The following CFAP61 variants were observed in gnomAD, a reference collection of about 807,000 sequenced individuals.
CFAP61 encodes the protein cilia- and flagella-associated protein 61.
CFAP61 carries 107 observed loss-of-function variants against 135.6 expected under a neutral mutation model. That is an observed-to-expected ratio of 0.79 (90% confidence interval 0.67 to 0.93). The LOEUF (loss-of-function observed/expected upper bound fraction) is 0.93, where lower values mean the gene tolerates loss of function less well. Among genes scored for constraint, CFAP61 ranks in the 40% least tolerant of loss-of-function variants. The pLI, the probability that CFAP61 is intolerant of heterozygous loss-of-function variation, is 0.00. For synonymous variants in CFAP61, 575 were observed against 578.5 expected, an observed-to-expected ratio of 0.99 and a Z score of 0.09; for missense variants, 1,507 against 1,556.2, an observed-to-expected ratio of 0.97 and a Z score of 0.53.
At chr20:20,168,608 C>G (rs2053999531) in intron 12 of CFAP61, among the ~76,000 whole-genome samples, 1 of 152,088 alleles carries the variant, frequency 6.6e-6, no homozygotes, top group East Asian at 1.9e-4. Context: ...AATTAAGTAT[C>G]CATTTTTTTA....
intron 24 of CFAP61, among the ~76,000 whole-genome samples, chr20:20,295,310 G>A (rs937051140): frequency 2.0e-5 from 3 of 152,158 alleles, no homozygotes; most frequent in Non-Finnish European, 4.4e-5. Context: ...ATCTCAAGGT[G>A]TGCCCCCTTG....
Position 20,085,592 on chromosome 20 carries a change from G to C in CFAP61, c.567-5252G>C. On this transcript the variant is annotated intron_variant, in intron 6 of 26. Coordinates refer to ENST00000245957, the MANE Select transcript of CFAP61 (RefSeq NM_015585.4). ...TGCTGAGGTTCATGAGCAGGCCTAGGGCTCTGGGTCTTTCGGAACCTTTAT... is the reference window on the plus strand; with the variant it reads ...TGCTGAGGTTCATGAGCAGGCCTAGCGCTCTGGGTCTTTCGGAACCTTTAT... 3.4e-6 allele frequency: 4 copies of C among 1,170,010 alleles called. No individual in the cohort carries two copies. In the South Asian group the frequency reaches 4.8e-5, roughly 14 times the overall value. The allele number at this position is 1,170,010 out of a possible 1,614,324, so 72.5% of individuals were successfully genotyped here.
At chr20:20,274,117 T>C (rs2053564732) in intron 21 of CFAP61, among the ~76,000 whole-genome samples, 1 of 152,196 alleles carries the variant, frequency 6.6e-6, no homozygotes, top group Admixed American at 6.5e-5. Context: ...ACATTATATA[T>C]GGGCATTTGA....
At chr20:20,075,719 A>T in intron 6 of CFAP61, 104 bp downstream of exon 6, 2 of 1,215,062 alleles carry the variant, frequency 1.6e-6, no homozygotes, top group Non-Finnish European at 2.3e-6. Flanking sequence ...CTTAGATCAA[A>T]ATTTTTTACA....
intron 26 of CFAP61, among the ~76,000 whole-genome samples, chr20:20,342,720 G>A (rs996973269): frequency 1.3e-5 from 2 of 152,138 alleles, no homozygotes; most frequent in South Asian, 2.1e-4. Flanking sequence ...GCTAGGGAGC[G>A]CGCACCCTGT....
At chr20:20,301,300 A>G (rs1362073398) in intron 25 of CFAP61, among the ~76,000 whole-genome samples, 1 of 152,200 alleles carries the variant, frequency 6.6e-6, no homozygotes, top group Non-Finnish European at 1.5e-5. Flanking sequence ...TACAGTATTC[A>G]GTATAGAAAC....
At chr20:20,326,055 T>G (rs1489395348) in intron 25 of CFAP61, among the ~76,000 whole-genome samples, 1 of 152,186 alleles carries the variant, frequency 6.6e-6, no homozygotes, top group Non-Finnish European at 1.5e-5. Context: ...ACCATCCTCC[T>G]GTGTGGCTGG....
At chr20:20,074,797 G>T (rs953888621) in intron 4 of CFAP61, among the ~76,000 whole-genome samples, 1 of 152,214 alleles carries the variant, frequency 6.6e-6, no homozygotes, top group African/African-American at 2.4e-5. Context: ...TCATGGCGAT[G>T]TGTCTCTGAC....
intron 22 of CFAP61, among the ~76,000 whole-genome samples, chr20:20,287,989 A>G (rs1016696639): frequency 1.3e-5 from 2 of 152,182 alleles, no homozygotes; most frequent in African/African-American, 2.4e-5. Flanking sequence ...AGTGCCTGGC[A>G]TATGGTAGGT....
intron 22 of CFAP61, among the ~76,000 whole-genome samples, chr20:20,285,125 T>A (rs1181899868): frequency 2.0e-5 from 3 of 152,224 alleles, no homozygotes; most frequent in Non-Finnish European, 4.4e-5. Context: ...TCTTCCAACA[T>A]CCATGCATTT....
rs899464602 is a variant in CFAP61 at position 20,055,305 on chromosome 20, A to G, written c.-36-1313A>G. Among the ~76,000 whole-genome samples, 7 of 152,190 alleles carry G rather than the reference A, an allele frequency of 4.6e-5. No homozygotes were observed. The East Asian group carries it at 5.8e-4, about 13-fold the overall frequency. ...CACAGATTGTGTGGACTAGAATGCC[A>G]TACCCACTTTAGTCTAGAATTTGGA... On this transcript the variant is annotated intron_variant, in intron 1 of 26. Coordinates refer to ENST00000245957, the MANE Select transcript of CFAP61 (RefSeq NM_015585.4).
At chr20:20,165,484 G>A (rs944877415) in intron 11 of CFAP61, among the ~76,000 whole-genome samples, 4 of 151,940 alleles carry the variant, frequency 2.6e-5, no homozygotes, top group Admixed American at 6.5e-5. Context: ...CTAAAGCCCC[G>A]GCGCCCACCA....
At chr20:20,242,815 C>T (rs895700155) in intron 18 of CFAP61, among the ~76,000 whole-genome samples, 5 of 152,150 alleles carry the variant, frequency 3.3e-5, no homozygotes, top group African/African-American at 1.2e-4. Context: ...ATTTGAGTAA[C>T]TGTGTGTATC....
At chr20:20,273,389 A>G (rs559012898) in intron 21 of CFAP61, among the ~76,000 whole-genome samples, 17 of 152,142 alleles carry the variant, frequency 1.1e-4, no homozygotes, top group East Asian at 1.9e-4. Context: ...ACATATTTCT[A>G]TCTTACATAT....
At position 20,181,425 on chromosome 20, in the gene CFAP61, C is replaced by A. The variant is rs553842189; in HGVS notation, c.1386-6505C>A. Reference sequence around the variant, plus strand: ...GTGTGACCTGATTAAATACTAGAAACCCTGATCCTTGAGGTCAAAGTCAGC... The same window carrying A: ...GTGTGACCTGATTAAATACTAGAAAACCTGATCCTTGAGGTCAAAGTCAGC... On this transcript the variant is annotated intron_variant, in intron 13 of 26. Coordinates refer to ENST00000245957, the MANE Select transcript of CFAP61 (RefSeq NM_015585.4). 3.9e-5 allele frequency among the ~76,000 whole-genome samples: 6 copies of A among 151,926 alleles called. No homozygotes were observed. The East Asian group carries it at 1.2e-3, about 30-fold the overall frequency.
chr20:20,178,839 A>G (rs928482747), intron 13 of CFAP61, among the ~76,000 whole-genome samples: 3 of 152,122 alleles, frequency 2.0e-5, no homozygotes, highest in African/African-American at 7.2e-5. Context: ...AGAACCCGAT[A>G]GAAACTTCAT....
Position 20,199,877 on chromosome 20 carries a change from C to A in CFAP61, c.1907C>A (p.Pro636Gln). Residue 636 changes from proline to glutamine, a missense_variant, in exon 17 of 27, where the codon CCA becomes CAA. Physicochemically the swap from Pro to Gln is moderately conservative, Grantham distance 76. Coordinates refer to ENST00000245957, the MANE Select transcript of CFAP61 (RefSeq NM_015585.4). ...YPLEKLGINA[P>Q]SKAVSKDPMS... The stretch of plus-strand genomic sequence containing the variant: ...CTGGAAAAGCTTGGCATAAACGCTC[C>A]ATCAAAGGCGGTCTCCAAGGATCCG... The A allele has an allele frequency of 6.2e-7, 1 of 1,614,152 alleles. No homozygotes were observed. The highest frequency in any genetic ancestry group is 1.6e-4 in the Middle Eastern group (1 of 6,062).
intron 25 of CFAP61, among the ~76,000 whole-genome samples, chr20:20,302,310 TC>T (rs972298061): frequency 1.3e-5 from 2 of 152,202 alleles, no homozygotes. Flanking sequence ...TTTCTTCTTT[TC>T]CAACTTTTAT....
At chr20:20,103,531 C>G (rs1026761559) in intron 8 of CFAP61, among the ~76,000 whole-genome samples, 5 of 152,084 alleles carry the variant, frequency 3.3e-5, no homozygotes, top group African/African-American at 1.2e-4. Context: ...CATAAAGAAA[C>G]AGTCATACAC....
Sources: allele counts gnomAD v4.1 joint callset (sites outside exome capture counted in the v4.1 genomes callset), GRCh38; gene constraint gnomAD v4.1.1; transcripts MANE v1.5; gene names NCBI Gene and HGNC (gene_info 2026-07-23, HGNC 2026-07-21).